SAXO1: variants seen among roughly 807,000 people sequenced by gnomAD.
SAXO1 encodes the protein stabilizer of axonemal microtubules 1, also known as 4930500O09Rik.
A neutral mutation model predicts 17.5 loss-of-function variants in SAXO1; 21 were observed. The ratio of observed to expected loss-of-function variants is 1.20; its 90% CI spans 0.85 to 1.72. The LOEUF is 1.72. Ranked by LOEUF, SAXO1 falls within the 40% of genes most tolerant of loss-of-function variation. SAXO1 has a pLI of 0.00. For missense variants in SAXO1, 843 were observed against 596.0 expected, an observed-to-expected ratio of 1.41 and a Z score of -4.32; for synonymous variants, 274 against 216.5, an observed-to-expected ratio of 1.27 and a Z score of -2.33.
At chr9:18,995,188 G>A (rs1833953215) in intron 1 of SAXO1, among the ~76,000 whole-genome samples, 1 of 152,104 alleles carries the variant, frequency 6.6e-6, no homozygotes, top group Non-Finnish European at 1.5e-5. Flanking sequence ...TTATTTCCCT[G>A]TCTAAAAACC....
chr9:18,980,088 G>T (rs1833312282), intron 1 of SAXO1, among the ~76,000 whole-genome samples: 1 of 152,154 alleles, frequency 6.6e-6, no homozygotes, highest in African/African-American at 2.4e-5. Context: ...TCAGATTTTT[G>T]AACATGCTGG....
chr9:18,966,275 A>T (rs1400638585), intron 1 of SAXO1, among the ~76,000 whole-genome samples: 1 of 152,072 alleles, frequency 6.6e-6, no homozygotes, highest in African/African-American at 2.4e-5. Context: ...CCTGAATTTG[A>T]ATGTTGGCCT....
rs141278609 is a variant in SAXO1 at position 18,928,406 on chromosome 9, G to T, written c.1071C>A (p.Pro357=). ...WSSMRTEPVK[P]VPQLDLPTEP... is the part of the protein sequence containing the mutation. ...CGGTGGGCAAGTCCAGCTGGGGAAC[G>T]GGCTTGACTGGCTCTGTGCGCATGC... Residue 357 remains proline (P), a synonymous_variant, in exon 4 of 4, where the codon CCC becomes CCA. Coordinates refer to ENST00000380534, the MANE Select transcript of SAXO1 (RefSeq NM_153707.4). 3 of 1,609,504 alleles carry T rather than the reference G, an allele frequency of 1.9e-6. No individual in the cohort carries two copies. Among genetic ancestry groups the T allele is most frequent in the Non-Finnish European group, 2.5e-6 (3 of 1,177,466 alleles).
chr9:18,992,438 G>A (rs1471150366), intron 1 of SAXO1, among the ~76,000 whole-genome samples: 1 of 152,144 alleles, frequency 6.6e-6, no homozygotes, highest in Non-Finnish European at 1.5e-5. Context: ...TACTCATGCT[G>A]GATTAGGGCC....
chr9:18,958,820 TG>T (rs1162913470), intron 1 of SAXO1, among the ~76,000 whole-genome samples: 1 of 151,736 alleles, frequency 6.6e-6, no homozygotes, highest in Non-Finnish European at 1.5e-5. Flanking sequence ...GGAAGACATC[TG>T]GAACAACAAC....
chr9:19,024,278 T>C (rs1242701964), intron 1 of SAXO1, among the ~76,000 whole-genome samples: 2 of 151,788 alleles, frequency 1.3e-5, no homozygotes, highest in Non-Finnish European at 2.9e-5. Context: ...AACATACCCT[T>C]TCCTCCAGGG....
intron 1 of SAXO1, among the ~76,000 whole-genome samples, chr9:19,028,449 C>T (rs1395554228): frequency 3.3e-5 from 5 of 152,192 alleles, no homozygotes; most frequent in African/African-American, 1.2e-4. Flanking sequence ...TAATCAGATG[C>T]AATTGGAAAC....
chr9:19,024,186 C>T (rs936926205), intron 1 of SAXO1, among the ~76,000 whole-genome samples: 1 of 151,922 alleles, frequency 6.6e-6, no homozygotes. Context: ...CTCCTGCAGG[C>T]TCAAGTACTC....
At chr9:18,931,329 T>C (rs1042460973) in intron 3 of SAXO1, among the ~76,000 whole-genome samples, 3 of 152,178 alleles carry the variant, frequency 2.0e-5, no homozygotes, top group Non-Finnish European at 2.9e-5. Context: ...GGTTCATCCA[T>C]AATGTAGCCT....
rs186028496 is a variant in SAXO1, at chr9:18,975,532, C to G, written c.39-24595G>C. ...ATGAGAAGGTTTAGAGGATTTTTAA[C>G]AGGTGGCAGTTATGATTTGCACTTG... On this transcript the variant is annotated intron_variant, in intron 1 of 3. Transcript: ENST00000380534. 2.0e-4 allele frequency among the ~76,000 whole-genome samples: 31 copies of G among 152,322 alleles called. No individual in the cohort carries two copies. In the East Asian group the frequency reaches 4.0e-3, roughly 20 times the overall value.
At chr9:18,964,342 A>C (rs1832627857) in intron 1 of SAXO1, among the ~76,000 whole-genome samples, 1 of 152,180 alleles carries the variant, frequency 6.6e-6, no homozygotes, top group African/African-American at 2.4e-5. Context: ...TTTCAGAAGG[A>C]ATGGTACCAA....
intron 3 of SAXO1, among the ~76,000 whole-genome samples, chr9:18,940,664 A>C (rs1270881199): frequency 6.6e-6 from 1 of 152,230 alleles, no homozygotes; most frequent in East Asian, 1.9e-4. Context: ...TTGGTATCAT[A>C]AGCATGAGTT....
chr9:18,970,704 T>A (rs1832914238), intron 1 of SAXO1, among the ~76,000 whole-genome samples: 1 of 152,152 alleles, frequency 6.6e-6, no homozygotes, highest in Admixed American at 6.5e-5. Context: ...AACAGTTGCA[T>A]TTCATCTCCT....
At chr9:18,955,962 C>G (rs1368088272) in intron 1 of SAXO1, among the ~76,000 whole-genome samples, 1 of 151,362 alleles carries the variant, frequency 6.6e-6, no homozygotes. Flanking sequence ...CTTTTAGAGA[C>G]AGGGACCGAC....
At chr9:18,934,154 T>C (rs771812478) in intron 3 of SAXO1, among the ~76,000 whole-genome samples, 5 of 152,254 alleles carry the variant, frequency 3.3e-5, no homozygotes, top group Non-Finnish European at 7.3e-5. Flanking sequence ...AATTTGACTA[T>C]GTTATGAATA....
At chr9:19,030,818 G>T (rs924646299) in intron 1 of SAXO1, among the ~76,000 whole-genome samples, 1 of 152,150 alleles carries the variant, frequency 6.6e-6, no homozygotes, top group Admixed American at 6.5e-5. Flanking sequence ...ACCATGAATG[G>T]GGCAGATACC....
chr9:18,973,373 T>C (rs1833022885), intron 1 of SAXO1, among the ~76,000 whole-genome samples: 1 of 152,152 alleles, frequency 6.6e-6, no homozygotes, highest in African/African-American at 2.4e-5. Flanking sequence ...GCTGCACATC[T>C]CAGTAGTGTT....
intron 1 of SAXO1, among the ~76,000 whole-genome samples, chr9:19,042,806 G>A (rs1258157417): frequency 6.6e-6 from 1 of 151,906 alleles, no homozygotes; most frequent in Non-Finnish European, 1.5e-5. Flanking sequence ...AGGTTGTGTT[G>A]AGCTGAGATT....
intron 1 of SAXO1, among the ~76,000 whole-genome samples, chr9:19,039,841 G>T (rs1399242377): frequency 6.6e-6 from 1 of 152,232 alleles, no homozygotes; most frequent in East Asian, 1.9e-4. Flanking sequence ...CAATTCTCCT[G>T]CCTCAGCCTC....
Sources: allele counts gnomAD v4.1 joint callset (sites outside exome capture counted in the v4.1 genomes callset), GRCh38; gene constraint gnomAD v4.1.1; transcripts MANE v1.5; gene names NCBI Gene and HGNC (gene_info 2026-07-23, HGNC 2026-07-21).